DSCAML1: variants seen among roughly 807,000 people sequenced by gnomAD.
DSCAML1 encodes the protein DS cell adhesion molecule like 1.
A neutral mutation model predicts 200.5 loss-of-function variants in DSCAML1; 38 were observed. That is an observed-to-expected ratio of 0.19 (90% CI 0.15 to 0.25). The LOEUF (loss-of-function observed/expected upper bound fraction) is 0.25, where lower values mean the gene tolerates loss of function less well. Ranked by LOEUF, DSCAML1 falls within the 10% of genes least tolerant of loss-of-function variation. DSCAML1 has a pLI of 1.00. For missense variants in DSCAML1, 2,223 were observed against 2,858.8 expected, an observed-to-expected ratio of 0.78 and a Z score of 5.07; for synonymous variants, 1,215 against 1,165.0, an observed-to-expected ratio of 1.04 and a Z score of -0.87.
At chr11:117,627,483 A>G (rs1015667856) in intron 3 of DSCAML1, among the ~76,000 whole-genome samples, 9 of 152,078 alleles carry the variant, frequency 5.9e-5, no homozygotes, top group South Asian at 2.1e-4. Flanking sequence ...GCCCAGTCGC[A>G]CTGCTCGCAG....
At position 117,430,786 on chromosome 11, in the gene DSCAML1, GGGTGGTGA is replaced by G; in HGVS notation, c.5614_5621del (p.Ser1872GlnfsTer23). ...TGCCCCGGTCCGCATCCTGGGGCTT[GGGTGGTGA>G]GGCGGTAAAGCGGCAGATGCCAGGC... On this transcript the variant is annotated frameshift_variant, in exon 32 of 33. Coordinates refer to ENST00000651296, the MANE Select transcript of DSCAML1 (RefSeq NM_020693.4). LOFTEE classifies it high-confidence loss of function. 6.2e-7 allele frequency: 1 copy of G among 1,614,154 alleles called. No homozygotes were observed.
chr11:117,457,708 C>T (rs188622968), intron 19 of DSCAML1, among the ~76,000 whole-genome samples: 87 of 152,260 alleles, frequency 5.7e-4, no homozygotes, highest in Admixed American at 1.6e-3. Context: ...GTCCAGTCCC[C>T]GGGCACTGGG....
chr11:117,463,907 T>G lies in DSCAML1; in HGVS notation c.3265+1035A>C, dbSNP rs1420952546. ...TGAAAGTTCCCCAGATAATGCCAAC[T>G]GGTGGCCAGCGTTAGGAACCATTGG... is the stretch of plus-strand genomic sequence containing the variant. On this transcript the variant is annotated intron_variant, in intron 17 of 32. Transcript: ENST00000651296. This position sits in a 1 kb window ranked among gnomAD's most constrained non-coding sequence, Gnocchi z 4.0. Among the ~76,000 whole-genome samples the G allele has an allele frequency of 6.6e-6, 1 of 152,224 alleles. No individual in the cohort carries two copies. The highest frequency in any genetic ancestry group is 1.5e-5 in the Non-Finnish European group (1 of 68,044).
chr11:117,461,447 C>T lies in DSCAML1; in HGVS notation c.3412+3G>A. On this transcript the variant is annotated splice_donor_region_variant and intron_variant, in intron 18 of 32. Transcript: ENST00000651296. ...TCCCAGCCATCAGTCCCAGCAGACTCACCCCCATCAACATAGAGGGACCAG... is the reference window on the plus strand; with the variant it reads ...TCCCAGCCATCAGTCCCAGCAGACTTACCCCCATCAACATAGAGGGACCAG... 6.2e-7 allele frequency: 1 copy of T among 1,614,208 alleles called. No homozygotes were observed. The highest frequency in any genetic ancestry group is 8.5e-7 in the Non-Finnish European group (1 of 1,180,038).
At chr11:117,790,952 T>G (rs956916514) in intron 1 of DSCAML1, among the ~76,000 whole-genome samples, 2 of 152,222 alleles carry the variant, frequency 1.3e-5, no homozygotes, top group African/African-American at 4.8e-5. Context: ...ATTTGAATAA[T>G]TGTTGTTAAT....
At chr11:117,760,842 A>T (rs1344485033) in intron 3 of DSCAML1, among the ~76,000 whole-genome samples, 1 of 152,214 alleles carries the variant, frequency 6.6e-6, no homozygotes, top group Non-Finnish European at 1.5e-5. Context: ...GACCTAAGGG[A>T]TCATCTATTC....
intron 3 of DSCAML1, among the ~76,000 whole-genome samples, chr11:117,720,738 A>G (rs1276293870): frequency 6.6e-6 from 1 of 152,244 alleles, no homozygotes; most frequent in Non-Finnish European, 1.5e-5. Flanking sequence ...GGTGCACAGC[A>G]ATAGTGGTGC....
At chr11:117,632,328 C>T (rs1324209287) in intron 3 of DSCAML1, among the ~76,000 whole-genome samples, 1 of 152,226 alleles carries the variant, frequency 6.6e-6, no homozygotes, top group South Asian at 2.1e-4. Context: ...GCTGCTCTTG[C>T]TGCTGGTTTT....
intron 3 of DSCAML1, among the ~76,000 whole-genome samples, chr11:117,687,225 G>T (rs986934682): frequency 6.6e-6 from 1 of 151,998 alleles, no homozygotes; most frequent in Non-Finnish European, 1.5e-5. Flanking sequence ...GAAGTCAAGG[G>T]CTATTTGGAT....
chr11:117,462,058 G>C (rs1592614055), intron 17 of DSCAML1, among the ~76,000 whole-genome samples: 1 of 152,196 alleles, frequency 6.6e-6, no homozygotes, highest in African/African-American at 2.4e-5. Flanking sequence ...CTGACCAGGG[G>C]TCTGGGCCAA....
At chr11:117,433,025 G>T in intron 29 of DSCAML1, 113 bp downstream of exon 29, 1 of 871,312 alleles carries the variant, frequency 1.1e-6, no homozygotes, top group African/African-American at 1.7e-5. Context: ...GGTTGATGGG[G>T]CTACTGCCAG....
chr11:117,525,885 C>T (rs912303603), intron 4 of DSCAML1, among the ~76,000 whole-genome samples: 3 of 152,222 alleles, frequency 2.0e-5, no homozygotes, highest in African/African-American at 7.2e-5. Flanking sequence ...TGTTCCTGCT[C>T]TGTCTTCTGC....
At chr11:117,669,759 G>A (rs896238660) in intron 3 of DSCAML1, among the ~76,000 whole-genome samples, 1 of 152,242 alleles carries the variant, frequency 6.6e-6, no homozygotes, top group Non-Finnish European at 1.5e-5. Context: ...GAAGCATGGG[G>A]GAAGGGCTTT....
chr11:117,467,193 AC>A lies in DSCAML1; in HGVS notation c.3025-2012del, dbSNP rs757481843. Among the ~76,000 whole-genome samples, 461 of 109,432 alleles carry A rather than the reference AC, an allele frequency of 4.2e-3. 27 individuals carry two copies. Among genetic ancestry groups the A allele is most frequent in the South Asian group, 0.035 (118 of 3,378 alleles). 71.8% of individuals were successfully genotyped at this position (109,432 alleles called of 152,430 possible). ...CGCGCACGCATGCGCGTGCACACAC[AC>A]CTCCCCCCTCCCCCCGCCGCCAATA... On this transcript the variant is annotated intron_variant, in intron 16 of 32. Coordinates refer to ENST00000651296, the MANE Select transcript of DSCAML1 (RefSeq NM_020693.4).
intron 3 of DSCAML1, among the ~76,000 whole-genome samples, chr11:117,609,337 T>C (rs932470917): frequency 1.1e-4 from 17 of 151,268 alleles, no homozygotes; most frequent in African/African-American, 3.9e-4. Flanking sequence ...AGACAGGGTC[T>C]CACTTTGTTA....
In DSCAML1 at chr11:117,481,912, C is replaced by T. The variant is rs781630441; in HGVS notation, c.2559+51G>A. The T allele has an allele frequency of 7.5e-6, 12 of 1,606,666 alleles. No individual in the cohort carries two copies. The South Asian group carries it at 1.3e-4, about 18-fold the overall frequency. ...GATGCAGATGTGATAGCTGCGGGCT[C>T]CCCACTCTCTGAGAGTTGGGGTCCC... On this transcript the variant is annotated intron_variant, in intron 12 of 32. Coordinates refer to ENST00000651296, the MANE Select transcript of DSCAML1 (RefSeq NM_020693.4).
At chr11:117,736,353 C>T (rs1437041319) in intron 3 of DSCAML1, among the ~76,000 whole-genome samples, 1 of 152,190 alleles carries the variant, frequency 6.6e-6, no homozygotes, top group South Asian at 2.1e-4. Flanking sequence ...CTGTTTGCAA[C>T]CTGATGGCAG....
At position 117,439,377 on chromosome 11, in the gene DSCAML1, T is replaced by C. The variant is rs913542485; in HGVS notation, c.4033A>G (p.Asn1345Asp). Residue 1345 changes from asparagine (N) to aspartate (D), a missense_variant, in exon 23 of 33, where the codon AAT becomes GAT. Asn to Asp is a conservative substitution (Grantham distance 23, BLOSUM62 1). Transcript: ENST00000651296. ...SMDGHRLIHT[N>D]GTLLLRAVKA... ...ACTGCACGCAGCAGCAGTGTGCCAT[T>C]GGTGTGGATGAGCCGGTGCCCATCC... The C allele has an allele frequency of 3.1e-6, 5 of 1,613,750 alleles. No homozygotes were observed. In the Admixed American group the frequency reaches 6.7e-5, roughly 22 times the overall value.
intron 3 of DSCAML1, among the ~76,000 whole-genome samples, chr11:117,627,283 C>T (rs77241617): frequency 0.016 from 2,420 of 152,218 alleles, 59 homozygotes; most frequent in African/African-American, 0.054. Context: ...CAAGTAACCC[C>T]GCCTCTTCTT....
Sources: gnomAD v4.1 joint callset for allele counts (sites outside exome capture counted in the v4.1 genomes callset) on GRCh38, gnomAD v4.1.1 for gene constraint, Gnocchi (gnomAD v3.1) non-coding constraint, MANE v1.5 for transcripts, NCBI Gene and HGNC (gene_info 2026-07-23, HGNC 2026-07-21) for gene names.